The following TRIO variants were observed in gnomAD, a reference collection of about 807,000 sequenced individuals.
The protein encoded by TRIO is triple functional domain protein.
A neutral mutation model predicts 351.9 loss-of-function variants in TRIO; 58 were observed. The observed-to-expected ratio is 0.16, with a 90% confidence interval of 0.13 to 0.21. The LOEUF is 0.21. Ranked by LOEUF, TRIO falls within the 10% of genes least tolerant of loss-of-function variation. TRIO has a pLI of 1.00. For missense variants in TRIO, 3,201 were observed against 4,027.8 expected (o/e 0.79, Z 5.56); for synonymous variants, 1,758 against 1,595.7 (o/e 1.10, Z -2.42).
At chr5:14,145,110 C>G (rs1353909673) in intron 1 of TRIO, among the ~76,000 whole-genome samples, 1 of 152,028 alleles carries the variant, frequency 6.6e-6, no homozygotes, top group Non-Finnish European at 1.5e-5. Context: ...GGGGGAGCGG[C>G]CCTGCGCTGG....
At chr5:14,150,525 A>G (rs33026) in intron 1 of TRIO, among the ~76,000 whole-genome samples, 3 of 151,848 alleles carry the variant, frequency 2.0e-5, no homozygotes, top group African/African-American at 7.3e-5. Flanking sequence ...AAATCAAAGG[A>G]TTATATATAT....
intron 1 of TRIO, among the ~76,000 whole-genome samples, chr5:14,258,372 C>G (rs1366771842): frequency 6.6e-6 from 1 of 152,142 alleles, no homozygotes; most frequent in Non-Finnish European, 1.5e-5. Flanking sequence ...AGAGAGTTGG[C>G]CGGTGAGGGA....
intron 34 of TRIO, 33 bp from the exon 35 acceptor site, chr5:14,460,986 G>A (rs559891082): frequency 1.3e-6 from 2 of 1,514,226 alleles, no homozygotes; most frequent in African/African-American, 2.8e-5. Flanking sequence ...GTCTGTGCGA[G>A]TCAGTGATAC....
At chr5:14,395,752 T>G (rs1467517829) in intron 28 of TRIO, among the ~76,000 whole-genome samples, 1 of 152,200 alleles carries the variant, frequency 6.6e-6, no homozygotes, top group Admixed American at 6.5e-5. Flanking sequence ...TGACTGGTAG[T>G]AATTATTAAT....
At chr5:14,463,152 A>G (rs982627394) in intron 36 of TRIO, among the ~76,000 whole-genome samples, 2 of 152,250 alleles carry the variant, frequency 1.3e-5, no homozygotes, top group African/African-American at 2.4e-5. Context: ...TTTCTTACAC[A>G]TGTGGCTCAA....
At chr5:14,206,347 C>T (rs1202093569) in intron 1 of TRIO, among the ~76,000 whole-genome samples, 1 of 152,236 alleles carries the variant, frequency 6.6e-6, no homozygotes, top group East Asian at 1.9e-4. Context: ...AGGCATGAGC[C>T]ACTGCACCTG....
chr5:14,414,100 C>G (rs1420130442), intron 33 of TRIO, among the ~76,000 whole-genome samples: 1 of 152,232 alleles, frequency 6.6e-6, no homozygotes, highest in Non-Finnish European at 1.5e-5. Context: ...AAGTTTCTTG[C>G]TTTCCAGAGC....
chr5:14,331,295 C>T (rs541542892), intron 10 of TRIO, among the ~76,000 whole-genome samples: 8 of 152,226 alleles, frequency 5.3e-5, no homozygotes, highest in African/African-American at 1.9e-4. Flanking sequence ...AAACAGGAGC[C>T]GGGAGTCCAG....
intron 28 of TRIO, among the ~76,000 whole-genome samples, chr5:14,396,019 C>T (rs1747536344): frequency 7.2e-6 from 1 of 138,458 alleles, no homozygotes; most frequent in Non-Finnish European, 1.5e-5. Context: ...GCACTCCAGC[C>T]TGGGCGACAG....
chr5:14,293,258 G>A, intron 6 of TRIO, 124 bp downstream of exon 6: 1 of 1,350,702 alleles, frequency 7.4e-7, no homozygotes, highest in Admixed American at 2.1e-5. Context: ...TGTAGCAGCT[G>A]ACCTTCACAT....
At chr5:14,199,754 A>G (rs989417855) in intron 1 of TRIO, among the ~76,000 whole-genome samples, 1 of 152,120 alleles carries the variant, frequency 6.6e-6, no homozygotes, top group Non-Finnish European at 1.5e-5. Flanking sequence ...GCTGGCCTTG[A>G]AGCAAGCCTA....
At chr5:14,265,773 T>C (rs1795636129) in intron 1 of TRIO, among the ~76,000 whole-genome samples, 1 of 152,214 alleles carries the variant, frequency 6.6e-6, no homozygotes, top group Non-Finnish European at 1.5e-5. Flanking sequence ...TATTAGATAG[T>C]TGAAGTTCCA....
At chr5:14,262,080 G>C (rs1795383339) in intron 1 of TRIO, among the ~76,000 whole-genome samples, 1 of 152,236 alleles carries the variant, frequency 6.6e-6, no homozygotes, top group African/African-American at 2.4e-5. Flanking sequence ...AACTAGCTGG[G>C]TGTTAAGTTC....
intron 29 of TRIO, chr5:14,397,359 C>G: frequency 2.0e-6 from 1 of 496,482 alleles, no homozygotes. Flanking sequence ...CTGGTCCCTT[C>G]ACTGGAAAAC....
At chr5:14,281,186 G>A (rs356029) in intron 3 of TRIO, among the ~76,000 whole-genome samples, 69,102 of 152,056 alleles carry the variant, frequency 0.45, 17,428 homozygotes, top group East Asian at 0.57. Context: ...ATTAAGAAAC[G>A]TTTGGGACTG....
intron 1 of TRIO, among the ~76,000 whole-genome samples, chr5:14,225,802 C>CCG (rs1554036857): frequency 7.5e-6 from 1 of 133,718 alleles, no homozygotes; most frequent in African/African-American, 3.4e-5. Flanking sequence ...ACCCCCCCCC[C>CCG]CACCTCCAAG....
intron 1 of TRIO, among the ~76,000 whole-genome samples, chr5:14,165,605 T>G (rs527819642): frequency 6.4e-4 from 98 of 152,340 alleles, no homozygotes; most frequent in African/African-American, 2.2e-3. Context: ...TGTCTGTCTT[T>G]CTGAGGCTCT....
intron 1 of TRIO, among the ~76,000 whole-genome samples, chr5:14,148,607 T>C (rs903952287): frequency 3.9e-5 from 6 of 152,206 alleles, no homozygotes; most frequent in African/African-American, 1.4e-4. Context: ...TTTCCTTAAG[T>C]GCATTGTCTT....
At chr5:14,462,063 C>A (rs1753860621) in intron 35 of TRIO, among the ~76,000 whole-genome samples, 1 of 152,168 alleles carries the variant, frequency 6.6e-6, no homozygotes, top group Non-Finnish European at 1.5e-5. Context: ...CTTGGATCGA[C>A]CCCCGACTCA....
Sources: allele counts gnomAD v4.1 joint callset (sites outside exome capture counted in the v4.1 genomes callset), GRCh38; gene constraint gnomAD v4.1.1; transcripts MANE v1.5; gene names NCBI Gene and HGNC (gene_info 2026-07-23, HGNC 2026-07-21).